CCDC22: variants seen among roughly 807,000 people sequenced by gnomAD.
The protein encoded by CCDC22 is CCC complex scaffolding subunit CCDC22.
CCDC22 carries 4 observed loss-of-function variants against 53.1 expected under a neutral mutation model. That is an observed-to-expected ratio of 0.08 (90% CI 0.04 to 0.17). CCDC22 has a LOEUF of 0.17. Ranked by LOEUF, CCDC22 falls within the 10% of genes least tolerant of loss-of-function variation. The probability of loss-of-function intolerance (pLI) is 1.00; values close to 1 mark genes in which losing one functional copy is unlikely to be tolerated. For missense variants in CCDC22, 458 were observed against 554.0 expected (o/e 0.83, Z 1.74); for synonymous variants, 222 against 224.4 (o/e 0.99, Z 0.10).
At position 49,247,723 on chromosome X, in the gene CCDC22, G is replaced by A. The variant is rs2065998058; in HGVS notation, c.1047G>A (p.Glu349=). 1 of 1,210,600 alleles carries A rather than the reference G, an allele frequency of 8.3e-7. No homozygotes were observed. The highest frequency in any genetic ancestry group is 1.7e-5 in the African/African-American group (1 of 57,901). The change falls in exon 9 of 17, where the codon GAG becomes GAA. Residue 349 remains glutamate, a synonymous_variant. Transcript: ENST00000376227. ...TGGAAGGAGTGAACCGCAGCATTGA[G>A]GAGGTTGAGGCCGACATGAAGACCC... ...EQLEGVNRSI[E]EVEADMKTLG... is the part of the protein sequence containing the mutation.
intron 1 of CCDC22, among the ~76,000 whole-genome samples, 161 bp downstream of exon 1, chrX:49,235,847 ACACACACACACACACACG>A (rs1569529076): frequency 3.4e-5 from 3 of 88,682 alleles, no homozygotes; most frequent in East Asian, 3.3e-4. Context: ...ACACACACAC[ACACACACACACACACACG>A]CACACACACA....
chrX:49,248,583 G>T, intron 11 of CCDC22, 50 bp from the exon 12 acceptor site: 1 of 1,198,527 alleles, frequency 8.3e-7, no homozygotes, highest in Non-Finnish European at 1.1e-6. Context: ...CTCTCTAGGG[G>T]GCCATCCCTA....
rs1557112850 is a variant in CCDC22 at position 49,237,214 on chromosome X, C to T, written c.179C>T (p.Ala60Val). The T allele has an allele frequency of 8.3e-7, 1 of 1,211,263 alleles. No individual in the cohort carries two copies. Among genetic ancestry groups the T allele is most frequent in the Admixed American group, 2.2e-5 (1 of 46,115 alleles). Residue 60 changes from alanine (A) to valine (V), a missense_variant, in exon 2 of 17, where the codon GCC becomes GTC. Ala to Val is a moderately conservative substitution (Grantham distance 64, BLOSUM62 0). Transcript: ENST00000376227. The part of the protein sequence containing the change: ...GSGLSPLLPL[A>V]MSARFRLAMS... The stretch of plus-strand genomic sequence containing the variant: ...GGCCTCAGCCCTCTGCTGCCTCTTG[C>T]CATGTCTGCCCGGTTCCGCCTGGCC...
At chrX:49,243,253 C>G in intron 5 of CCDC22, 31 bp from the exon 6 acceptor site, 2 of 1,198,723 alleles carry the variant, frequency 1.7e-6, no homozygotes, top group Non-Finnish European at 2.3e-6. Context: ...TGCCATGCGG[C>G]AGGGCCAGCT....
In CCDC22 at chrX:49,243,270, G is replaced by T; in HGVS notation, c.536-14G>T. 1 of 1,200,285 alleles carries T rather than the reference G, an allele frequency of 8.3e-7. No homozygotes were observed. Among genetic ancestry groups the T allele is most frequent in the Non-Finnish European group, 1.1e-6 (1 of 888,405 alleles). ...CCATGCGGCAGGGCCAGCTGACTCT[G>T]TTCCTGCCTCCAGAGCCACGGGAGT... On this transcript the variant is annotated splice_polypyrimidine_tract_variant and intron_variant, in intron 5 of 16. Transcript: ENST00000376227.
intron 2 of CCDC22, chrX:49,239,477 TTGAAC>T (rs1325506089): frequency 1.4e-6 from 1 of 737,290 alleles, no homozygotes; most frequent in Non-Finnish European, 1.6e-6. Flanking sequence ...TGGAAACACT[TTGAAC>T]TGACCCAGGA....
Position 49,250,388 on chromosome X carries a change from GA to G in CCDC22, c.*128del. 3.8e-6 allele frequency: 2 copies of G among 521,863 alleles called. No homozygotes were observed. Among genetic ancestry groups the G allele is most frequent in the Non-Finnish European group, 6.9e-6 (2 of 289,050 alleles). 43.0% of individuals were successfully genotyped at this position (521,863 alleles called of 1,213,427 possible). On this transcript the variant is annotated 3_prime_UTR_variant, in exon 17 of 17. Transcript: ENST00000376227. The stretch of plus-strand genomic sequence containing the variant: ...TCCTCCTGCTGCGGCCTTGGACCCA[GA>G]CCCCTGCCCACTGACCGCAACCCTT...
At chrX:49,242,795 G>T in intron 3 of CCDC22, 91 bp from the exon 4 acceptor site, 1 of 495,359 alleles carries the variant, frequency 2.0e-6, no homozygotes, top group Non-Finnish European at 3.3e-6. Flanking sequence ...ATCTCTGGAT[G>T]GGGGTCAGGA....
intron 6 of CCDC22, among the ~76,000 whole-genome samples, chrX:49,245,828 A>G (rs782027489): frequency 3.6e-5 from 4 of 112,422 alleles, no homozygotes; most frequent in South Asian, 3.6e-4. Flanking sequence ...CTCAGACATC[A>G]TGTCATTTCA....
At chrX:49,236,829 T>C (rs1569529116) in intron 1 of CCDC22, 2 of 317,618 alleles carry the variant, frequency 6.3e-6, no homozygotes, top group Non-Finnish European at 5.5e-6. Context: ...CTTCCCAGAC[T>C]CCCAAATTTT....
chrX:49,235,861 A>ACACACACACGCACG (rs1317193784), intron 1 of CCDC22, among the ~76,000 whole-genome samples, 175 bp downstream of exon 1: 6 of 105,740 alleles, frequency 5.7e-5, no homozygotes, highest in African/African-American at 2.1e-4. Flanking sequence ...ACACACACAC[A>ACACACACACGCACG]CACGCACACA....
intron 6 of CCDC22, among the ~76,000 whole-genome samples, chrX:49,244,845 A>G (rs1322358997): frequency 3.6e-5 from 4 of 110,806 alleles, no homozygotes; most frequent in Non-Finnish European, 5.7e-5. Flanking sequence ...ATGAGCCACC[A>G]TGCCGAGCCC....
intron 2 of CCDC22, among the ~76,000 whole-genome samples, chrX:49,238,748 C>T (rs5952519): frequency 0.52 from 57,225 of 109,394 alleles, 13,138 homozygotes; most frequent in Non-Finnish European, 0.72. Flanking sequence ...TTCGTAGAGA[C>T]GGGGTCTCGC....
rs145340927 is a variant in CCDC22 at position 49,246,825 on chromosome X, G to A, written c.809G>A (p.Arg270Gln). The change falls in exon 7 of 17, where the codon CGG becomes CAG. Residue 270 changes from arginine to glutamine, a missense_variant. Arg to Gln is a conservative substitution (Grantham distance 43). Coordinates refer to ENST00000376227, the MANE Select transcript of CCDC22 (RefSeq NM_014008.5). Reference sequence around the variant, plus strand: ...CTGCTTGGGGCCCCCATACAAGCCCGGGACCTGGGAGAACTGCTGCAGGCC... The same window carrying A: ...CTGCTTGGGGCCCCCATACAAGCCCAGGACCTGGGAGAACTGCTGCAGGCC... ...WGLLGAPIQA[R>Q]DLGELLQAWG... is the part of the protein sequence containing the mutation. 6.8e-5 allele frequency: 81 copies of A among 1,198,902 alleles called. No homozygotes were observed. Among genetic ancestry groups the A allele is most frequent in the African/African-American group, 5.6e-4 (32 of 57,460 alleles).
chrX:49,244,716 G>A (rs782787842), intron 6 of CCDC22, among the ~76,000 whole-genome samples: 69 of 111,183 alleles, frequency 6.2e-4, no homozygotes, highest in Non-Finnish European at 1.1e-3. Context: ...GCGTGCGCCC[G>A]GCTAATTTTT....
intron 3 of CCDC22, 58 bp from the exon 4 acceptor site, chrX:49,242,828 A>ATG: frequency 1.3e-6 from 1 of 745,230 alleles, no homozygotes; most frequent in Non-Finnish European, 1.9e-6. Flanking sequence ...CTCCTAGGGT[A>ATG]TGCCCTTTTG....
At position 49,247,506 on chromosome X, in the gene CCDC22, C is replaced by T; in HGVS notation, c.920C>T (p.Ala307Val). The T allele has an allele frequency of 8.4e-7, 1 of 1,196,806 alleles. No homozygotes were observed. The highest frequency in any genetic ancestry group is 1.1e-6 in the Non-Finnish European group (1 of 888,436). ...EKFTFHLEPQAQATQVSDVPA... is the reference protein window; with the variant it reads ...EKFTFHLEPQVQATQVSDVPA... ...CGTCACTCCCCTTAGGAGCCCCAGG[C>T]CCAGGCCACTCAGGTGTCAGATGTG... The change falls in exon 8 of 17, where the codon GCC becomes GTC. Residue 307 changes from alanine (A) to valine (V), a missense_variant. Physicochemically the swap from Ala to Val is moderately conservative, Grantham distance 64. This residue lies in a region of CCDC22 where 309 missense variants were observed against 312.3 expected (regional missense o/e 0.99). Coordinates refer to ENST00000376227, the MANE Select transcript of CCDC22 (RefSeq NM_014008.5).
chrX:49,238,656 C>G (rs189035017), intron 2 of CCDC22, among the ~76,000 whole-genome samples: 2 of 111,813 alleles, frequency 1.8e-5, no homozygotes, highest in Non-Finnish European at 3.8e-5. Flanking sequence ...GAACTCCTGG[C>G]CTCAAGAGAT....
chrX:49,242,389 C>G, intron 3 of CCDC22: 1 of 709,643 alleles, frequency 1.4e-6, no homozygotes, highest in Non-Finnish European at 1.7e-6. Context: ...CTCCCTGACT[C>G]AACCCCTGTG....
Sources: allele counts gnomAD v4.1 joint callset (sites outside exome capture counted in the v4.1 genomes callset), GRCh38; gene constraint gnomAD v4.1.1; regional missense constraint gnomAD v4.1.1; transcripts MANE v1.5; gene names NCBI Gene and HGNC (gene_info 2026-07-23, HGNC 2026-07-21).